The following SGCD variants were observed in gnomAD, a reference collection of about 807,000 sequenced individuals.
The protein encoded by SGCD is sarcoglycan delta.
A neutral mutation model predicts 36.6 loss-of-function variants in SGCD; 18 were observed. That is an observed-to-expected ratio of 0.49 (90% CI 0.34 to 0.73). The LOEUF is 0.73. Among genes scored for constraint, SGCD ranks in the 30% least tolerant of loss-of-function variants. The pLI, the probability that SGCD is intolerant of heterozygous loss-of-function variation, is 0.01. For synonymous variants in SGCD, 133 were observed against 130.6 expected, an observed-to-expected ratio of 1.02 and a Z score of -0.12; for missense variants, 387 against 346.7, an observed-to-expected ratio of 1.12 and a Z score of -0.92.
intron 3 of SGCD, among the ~76,000 whole-genome samples, chr5:156,371,540 C>T (rs1358129999): frequency 6.6e-6 from 1 of 152,108 alleles, no homozygotes; most frequent in Admixed American, 6.6e-5. Flanking sequence ...GAGAAAGGAC[C>T]GAGTGTCAGA....
chr5:156,185,764 T>A (rs897980968), intron 3 of SGCD, among the ~76,000 whole-genome samples: 3 of 150,020 alleles, frequency 2.0e-5, no homozygotes, highest in Non-Finnish European at 4.4e-5. Context: ...ACTTCTGTTG[T>A]GAGACTTTTA....
chr5:156,267,681 A>T (rs535085452), intron 3 of SGCD, among the ~76,000 whole-genome samples: 5 of 151,466 alleles, frequency 3.3e-5, no homozygotes, highest in Non-Finnish European at 7.3e-5. Flanking sequence ...TGCAAGAATG[A>T]AACTGGTTTT....
At chr5:155,731,453 G>A in the SGCD span, among the ~76,000 whole-genome samples, 1 of 152,108 alleles carries the variant, frequency 6.6e-6, no homozygotes, top group Non-Finnish European at 1.5e-5. Context: ...TTCTAAGGAC[G>A]TTGACATAGT....
At chr5:156,048,706 T>C (rs1460397760) in intron 1 of SGCD, among the ~76,000 whole-genome samples, 1 of 152,210 alleles carries the variant, frequency 6.6e-6, no homozygotes, top group Non-Finnish European at 1.5e-5. Flanking sequence ...TTGGAGTTCA[T>C]TGTAGATTCT....
intron 1 of SGCD, among the ~76,000 whole-genome samples, chr5:156,087,378 C>T (rs1441552668): frequency 1.3e-5 from 2 of 152,158 alleles, no homozygotes; most frequent in East Asian, 3.9e-4. Flanking sequence ...GTGGCTCATA[C>T]CTGTAATCCC....
intron 3 of SGCD, among the ~76,000 whole-genome samples, chr5:156,257,553 T>C (rs1277108546): frequency 6.6e-6 from 1 of 151,798 alleles, no homozygotes; most frequent in Admixed American, 6.6e-5. Flanking sequence ...ACACCCTCTG[T>C]ATGCCAGTTT....
chr5:155,987,272 G>A (rs767705632), intron 1 of SGCD, among the ~76,000 whole-genome samples: 2 of 152,132 alleles, frequency 1.3e-5, no homozygotes, highest in Non-Finnish European at 2.9e-5. Context: ...AGACAATGAA[G>A]AATCAGTTTT....
At chr5:156,196,284 G>A (rs749984993) in intron 3 of SGCD, among the ~76,000 whole-genome samples, 1 of 152,090 alleles carries the variant, frequency 6.6e-6, no homozygotes, top group Non-Finnish European at 1.5e-5. Flanking sequence ...TATAAAGGGA[G>A]GATTCTTGAC....
chr5:155,965,910 G>A (rs1439200039), intron 1 of SGCD, among the ~76,000 whole-genome samples: 4 of 151,996 alleles, frequency 2.6e-5, no homozygotes, highest in Non-Finnish European at 5.9e-5. Flanking sequence ...CAGGGATTGG[G>A]GCTGCATCAC....
chr5:156,652,514 A>G (rs1763500401), intron 7 of SGCD, among the ~76,000 whole-genome samples: 1 of 143,914 alleles, frequency 6.9e-6, no homozygotes, highest in Admixed American at 6.8e-5. Flanking sequence ...ACACATACAC[A>G]CACACATACA....
In SGCD at chr5:156,515,372, T is replaced by C. The variant is rs75218982; in HGVS notation, c.294+6670T>C. On this transcript the variant is annotated intron_variant, in intron 4 of 8. Transcript: ENST00000337851. ...ACACACATGGAGGGGTCAAGATGGTTGATTAGAAGCAGCTGTGGATGGCTG... is the reference window on the plus strand; with the variant it reads ...ACACACATGGAGGGGTCAAGATGGTCGATTAGAAGCAGCTGTGGATGGCTG... Among the ~76,000 whole-genome samples, 23 of 152,120 alleles carry C rather than the reference T, an allele frequency of 1.5e-4. No individual in the cohort carries two copies. The East Asian group carries it at 2.7e-3, about 18-fold the overall frequency.
chr5:155,841,493 C>A, the SGCD span, among the ~76,000 whole-genome samples: 1 of 152,180 alleles, frequency 6.6e-6, no homozygotes, highest in South Asian at 2.1e-4. Flanking sequence ...ATGTTCACAT[C>A]TTTTCAAATG....
the SGCD span, among the ~76,000 whole-genome samples, chr5:155,829,636 C>T: frequency 2.6e-5 from 4 of 152,186 alleles, no homozygotes; most frequent in Non-Finnish European, 4.4e-5. Flanking sequence ...TGTAAGATAA[C>T]TCATAGCCTG....
chr5:156,487,813 A>AG (rs376658231), intron 3 of SGCD, among the ~76,000 whole-genome samples: 10 of 77,810 alleles, frequency 1.3e-4, no homozygotes, highest in Admixed American at 3.6e-4. Flanking sequence ...AAAAAAAAAA[A>AG]AAAGAAAGAA....
intron 1 of SGCD, among the ~76,000 whole-genome samples, chr5:155,888,708 T>C (rs1048569543): frequency 2.6e-5 from 4 of 152,338 alleles, no homozygotes; most frequent in Admixed American, 6.5e-5. Context: ...GAGATGTTTC[T>C]TTCTTAGAAG....
intron 3 of SGCD, among the ~76,000 whole-genome samples, chr5:156,248,366 A>G (rs1158556288): frequency 6.6e-6 from 1 of 152,132 alleles, no homozygotes; most frequent in African/African-American, 2.4e-5. Context: ...TTAAAAATAC[A>G]AAAATTACCC....
intron 7 of SGCD, among the ~76,000 whole-genome samples, chr5:156,653,507 T>TTTTTTTTTTTTTTTTTTTTC (rs1763553209): frequency 7.0e-6 from 1 of 143,262 alleles, no homozygotes; most frequent in Non-Finnish European, 1.5e-5. Context: ...TTTTTTTTTT[T>TTTTTTTTTTTTTTTTTTTTC]TGCCCCTGTT....
At chr5:156,590,847 A>C (rs1288454330) in intron 5 of SGCD, among the ~76,000 whole-genome samples, 52 of 110,344 alleles carry the variant, frequency 4.7e-4, no homozygotes, top group African/African-American at 8.3e-4. Flanking sequence ...CTCTCCTACC[A>C]CCCCTTTATC....
chr5:155,798,350 A>G, the SGCD span, among the ~76,000 whole-genome samples: 2 of 152,224 alleles, frequency 1.3e-5, no homozygotes, highest in African/African-American at 2.4e-5. Flanking sequence ...ACGTGGTTAT[A>G]CATTTTTCTT....
Sources: allele counts gnomAD v4.1 joint callset (sites outside exome capture counted in the v4.1 genomes callset), GRCh38; gene constraint gnomAD v4.1.1; transcripts MANE v1.5; gene names NCBI Gene and HGNC (gene_info 2026-07-23, HGNC 2026-07-21).